SLC18A1: variants seen among roughly 807,000 people sequenced by gnomAD.
SLC18A1 encodes the protein chromaffin granule amine transporter.
Under a neutral mutation model 53.7 loss-of-function variants are expected in SLC18A1, and 69 were observed. The ratio of observed to expected loss-of-function variants is 1.28; its 90% CI spans 1.06 to 1.57. The LOEUF (loss-of-function observed/expected upper bound fraction) is 1.57. Among genes scored for constraint, SLC18A1 ranks in the 40% most tolerant of loss-of-function variants. The pLI is 0.00. For missense variants in SLC18A1, 932 were observed against 668.1 expected (o/e 1.40, Z -4.35); for synonymous variants, 320 against 248.1 (o/e 1.29, Z -2.72).
At chr8:20,173,005 C>A (rs62498231) in intron 6 of SLC18A1, 31 bp downstream of exon 6, 117 of 1,514,454 alleles carry the variant, frequency 7.7e-5, no homozygotes, top group Non-Finnish European at 9.8e-5. Context: ...CCCACCCTCC[C>A]GAACCCAGAG....
chr8:20,173,283 G>A (rs1403962508), intron 5 of SLC18A1, among the ~76,000 whole-genome samples, 155 bp from the exon 6 acceptor site: 2 of 152,184 alleles, frequency 1.3e-5, no homozygotes, highest in African/African-American at 2.4e-5. Context: ...TATTTTTCAA[G>A]TACTACCCTC....
chr8:20,159,922 A>G (rs2071780295), intron 10 of SLC18A1, among the ~76,000 whole-genome samples: 2 of 152,158 alleles, frequency 1.3e-5, no homozygotes, highest in Non-Finnish European at 2.9e-5. Flanking sequence ...GCGTGGTAGC[A>G]CAGATGGCTC....
At chr8:20,147,161 T>G in intron 15 of SLC18A1, 97 bp downstream of exon 15, 3 of 1,307,786 alleles carry the variant, frequency 2.3e-6, no homozygotes, top group Non-Finnish European at 3.1e-6. Context: ...AACAGAGCAA[T>G]AGAGGGAGGA....
rs1418010072 is a variant in SLC18A1 at position 20,178,476 on chromosome 8, G to T, written c.506C>A (p.Pro169His). The T allele has an allele frequency of 1.9e-6, 3 of 1,609,182 alleles. No individual in the cohort carries two copies. The South Asian group carries it at 3.3e-5, about 18-fold the overall frequency. ...CATGATAACAAAGCCAGCAAACATG[G>T]GGATATGATATCCAATCCTAAAAGG... Reference protein sequence around the residue: ...PLTNRIGYHIPMFAGFVIMFL... With the variant: ...PLTNRIGYHIHMFAGFVIMFL... Residue 169 changes from proline (P) to histidine (H), a missense_variant, in exon 4 of 16, where the codon CCC becomes CAC. Physicochemically the swap from Pro to His is moderately conservative, Grantham distance 77 (BLOSUM62 -2). Coordinates refer to ENST00000276373, the MANE Select transcript of SLC18A1 (RefSeq NM_003053.4).
chr8:20,180,729 G>C, intron 2 of SLC18A1, 112 bp downstream of exon 2: 1 of 1,368,526 alleles, frequency 7.3e-7, no homozygotes, highest in Non-Finnish European at 1.0e-6. Flanking sequence ...GTGTTTTTGA[G>C]CATAAAAAGG....
chr8:20,161,819 G>T (rs1317927291), intron 10 of SLC18A1, among the ~76,000 whole-genome samples: 6 of 152,124 alleles, frequency 3.9e-5, no homozygotes, highest in Non-Finnish European at 8.8e-5. Context: ...GACCCCTAAG[G>T]CATCAGGCAG....
chr8:20,172,983 G>A, intron 6 of SLC18A1, 53 bp downstream of exon 6: 9 of 1,327,272 alleles, frequency 6.8e-6, no homozygotes. Context: ...GGGAACACCT[G>A]CTTCCTAGAG....
intron 10 of SLC18A1, among the ~76,000 whole-genome samples, chr8:20,156,877 A>G: frequency 6.6e-6 from 1 of 152,232 alleles, no homozygotes; most frequent in Non-Finnish European, 1.5e-5. Context: ...ATTGTTGTTT[A>G]TGGGAATGCA....
chr8:20,161,256 G>A (rs117007302), intron 10 of SLC18A1, among the ~76,000 whole-genome samples: 1 of 152,094 alleles, frequency 6.6e-6, no homozygotes, highest in South Asian at 2.1e-4. Flanking sequence ...CTCCAGCTGT[G>A]AGCGTGTGAA....
intron 10 of SLC18A1, among the ~76,000 whole-genome samples, chr8:20,156,175 G>T (rs186534893): frequency 2.1e-4 from 32 of 151,904 alleles, no homozygotes; most frequent in African/African-American, 4.8e-4. Flanking sequence ...CAACTGCTTT[G>T]CTAACAGAAG....
At position 20,180,959 on chromosome 8, in the gene SLC18A1, G is replaced by C. The variant is rs760355458; in HGVS notation, c.6C>G (p.Leu2=). 10 of 1,571,174 alleles carry C rather than the reference G, an allele frequency of 6.4e-6. No homozygotes were observed. The South Asian group carries it at 1.0e-4, about 16-fold the overall frequency. Residue 2 remains leucine (L), a synonymous_variant, in exon 2 of 16, where the codon CTC becomes CTG. Transcript: ENST00000276373. ...GCTGGGGAGCATCCAGAATGGTCCG[G>C]AGCATGGTGATGGCCGGACTGGGGC... M[L]RTILDAPQRL... is the part of the protein sequence containing the mutation.
rs553861454 is a variant in SLC18A1, at chr8:20,145,343, G to A, written c.*420C>T. The stretch of plus-strand genomic sequence containing the variant: ...GAAAGAACACGTTGAGGAAAAGAGG[G>A]TAACACTCTTCCGATCTGTTGGGAC... On this transcript the variant is annotated 3_prime_UTR_variant, in exon 16 of 16. Coordinates refer to ENST00000276373, the MANE Select transcript of SLC18A1 (RefSeq NM_003053.4). 6.5e-6 allele frequency: 1 copy of A among 154,320 alleles called. No individual in the cohort carries two copies. Among genetic ancestry groups the A allele is most frequent in the African/African-American group, 2.4e-5 (1 of 41,510 alleles). 9.6% of individuals were successfully genotyped at this position (154,320 alleles called of 1,614,324 possible).
chr8:20,179,385 G>A lies in SLC18A1; in HGVS notation c.224C>T (p.Ser75Phe). 1.2e-6 allele frequency: 2 copies of A among 1,614,194 alleles called. No individual in the cohort carries two copies. The highest frequency in any genetic ancestry group is 1.3e-5 in the African/African-American group (1 of 75,062). The change falls in exon 3 of 16, where the codon TCT (serine) becomes TTT (phenylalanine). Residue 75 changes from serine to phenylalanine, a missense_variant. Coordinates refer to ENST00000276373, the MANE Select transcript of SLC18A1 (RefSeq NM_003053.4). ...HAGSSPHALASPAFSTIFSFF... is the reference protein window; with the variant it reads ...HAGSSPHALAFPAFSTIFSFF... ...GGAGAAGATGGTGGAAAAGGCAGGA[G>A]AGGCGAGGGCATGTGGGGAACTTCC...
intron 12 of SLC18A1, chr8:20,148,461 C>T: frequency 7.7e-7 from 1 of 1,291,014 alleles, no homozygotes; most frequent in South Asian, 1.2e-5. Flanking sequence ...AAAGTTGCCT[C>T]TGTTTTCCAT....
chr8:20,154,023 G>C (rs2071623740), intron 10 of SLC18A1, among the ~76,000 whole-genome samples: 1 of 152,170 alleles, frequency 6.6e-6, no homozygotes, highest in Non-Finnish European at 1.5e-5. Flanking sequence ...GTGACTTCTT[G>C]CTCTGTAAGT....
chr8:20,174,057 T>G (rs2128878493), intron 5 of SLC18A1, among the ~76,000 whole-genome samples: 1 of 152,150 alleles, frequency 6.6e-6, no homozygotes, highest in East Asian at 1.9e-4. Context: ...CCACCATGCC[T>G]GGCTAACTTA....
At chr8:20,172,768 T>C (rs1293932355) in intron 6 of SLC18A1, among the ~76,000 whole-genome samples, 2 of 152,182 alleles carry the variant, frequency 1.3e-5, no homozygotes, top group Non-Finnish European at 2.9e-5. Flanking sequence ...GCTGTGTGCA[T>C]GGGAACCGAG....
intron 11 of SLC18A1, 134 bp downstream of exon 11, chr8:20,150,532 T>C (rs2071524131): frequency 1.3e-6 from 1 of 779,726 alleles, no homozygotes; most frequent in Admixed American, 1.8e-5. Context: ...ATCCTCCCAG[T>C]GGGAAGTTTT....
At chr8:20,145,939 G>C in intron 15 of SLC18A1, 63 bp from the exon 16 acceptor site, 1 of 954,796 alleles carries the variant, frequency 1.0e-6, no homozygotes, top group Non-Finnish European at 1.5e-6. Context: ...TTTTTGAGAC[G>C]GAGTCTCGCT....
Sources: allele counts gnomAD v4.1 joint callset (sites outside exome capture counted in the v4.1 genomes callset), GRCh38; gene constraint gnomAD v4.1.1; transcripts MANE v1.5; gene names NCBI Gene and HGNC (gene_info 2026-07-23, HGNC 2026-07-21).